The following MAGI3 variants were observed in gnomAD, a reference collection of about 807,000 sequenced individuals.
MAGI3 encodes membrane-associated guanylate kinase, WW and PDZ domain-containing protein 3.
A neutral mutation model predicts 121.8 loss-of-function variants in MAGI3; 43 were observed. The ratio of observed to expected loss-of-function variants is 0.35; its 90% confidence interval spans 0.28 to 0.46. The LOEUF (loss-of-function observed/expected upper bound fraction) is 0.46, where lower values mean the gene tolerates loss of function less well. Ranked by LOEUF, MAGI3 falls within the 20% of genes least tolerant of loss-of-function variation. The probability of loss-of-function intolerance (pLI) is 1.00; values close to 1 mark genes in which losing one functional copy is unlikely to be tolerated. For missense variants in MAGI3, 1,547 were observed against 1,797.3 expected, an observed-to-expected ratio of 0.86 and a Z score of 2.52; for synonymous variants, 553 against 639.3, an observed-to-expected ratio of 0.86 and a Z score of 2.04.
At chr1:113,402,491 C>A (rs976736122) in intron 1 of MAGI3, among the ~76,000 whole-genome samples, 16 of 152,180 alleles carry the variant, frequency 1.1e-4, no homozygotes, top group African/African-American at 3.9e-4. Context: ...ATCGGAGATT[C>A]TTCACAATGC....
chr1:113,510,988 T>C (rs943671760), intron 1 of MAGI3, among the ~76,000 whole-genome samples: 1 of 152,214 alleles, frequency 6.6e-6, no homozygotes, highest in Non-Finnish European at 1.5e-5. Context: ...GTTGAAGTCT[T>C]TCTCACTAGA....
At chr1:113,646,676 T>C in intron 12 of MAGI3, 34 bp downstream of exon 12, 1 of 1,492,550 alleles carries the variant, frequency 6.7e-7, no homozygotes, top group Non-Finnish European at 9.0e-7. Flanking sequence ...GGAGAGCATA[T>C]AACAAGATAA....
chr1:113,506,047 G>A (rs1657311581), intron 1 of MAGI3, among the ~76,000 whole-genome samples: 1 of 152,132 alleles, frequency 6.6e-6, no homozygotes, highest in Non-Finnish European at 1.5e-5. Context: ...GTAGAAAATT[G>A]ATTATAGGGT....
At chr1:113,617,974 G>A (rs868122688) in intron 7 of MAGI3, among the ~76,000 whole-genome samples, 5 of 152,130 alleles carry the variant, frequency 3.3e-5, no homozygotes, top group Non-Finnish European at 5.9e-5. Context: ...AAGTAACTAC[G>A]TCTGTTGTGG....
At chr1:113,510,070 T>TA (rs1657539450) in intron 1 of MAGI3, among the ~76,000 whole-genome samples, 1 of 152,220 alleles carries the variant, frequency 6.6e-6, no homozygotes, top group Non-Finnish European at 1.5e-5. Flanking sequence ...CGTGACACCA[T>TA]AAAAATAATT....
At chr1:113,524,554 G>A (rs900177000) in intron 1 of MAGI3, among the ~76,000 whole-genome samples, 3 of 151,838 alleles carry the variant, frequency 2.0e-5, no homozygotes, top group Non-Finnish European at 2.9e-5. Context: ...ACTAGATTTC[G>A]GACTTGCATG....
At chr1:113,670,615 G>T (rs1486689822) in intron 16 of MAGI3, among the ~76,000 whole-genome samples, 1 of 152,118 alleles carries the variant, frequency 6.6e-6, no homozygotes, top group African/African-American at 2.4e-5. Context: ...GCAACCCCAA[G>T]TGAGAGATAT....
chr1:113,667,234 G>A (rs1647227869), intron 16 of MAGI3, among the ~76,000 whole-genome samples: 1 of 152,206 alleles, frequency 6.6e-6, no homozygotes, highest in African/African-American at 2.4e-5. Context: ...GTCCTAGATG[G>A]CATCTTCTTC....
chr1:113,397,923 G>C (rs1651201212), intron 1 of MAGI3, among the ~76,000 whole-genome samples: 1 of 152,152 alleles, frequency 6.6e-6, no homozygotes. Flanking sequence ...CTAGGAAAAA[G>C]GGAATTGAAA....
At chr1:113,620,230 A>G (rs540379085) in intron 8 of MAGI3, among the ~76,000 whole-genome samples, 41 of 152,332 alleles carry the variant, frequency 2.7e-4, no homozygotes, top group African/African-American at 9.6e-4. Context: ...ATATTAATAA[A>G]TACTAAATAT....
chr1:113,611,474 T>A (rs574532529), intron 6 of MAGI3, among the ~76,000 whole-genome samples: 2 of 152,124 alleles, frequency 1.3e-5, no homozygotes, highest in Non-Finnish European at 2.9e-5. Context: ...TTTGCCTCTT[T>A]CCTCCCTTCC....
At position 113,659,126 on chromosome 1, in the gene MAGI3, C is replaced by T. The variant is rs1406073927; in HGVS notation, c.2676C>T (p.Asp892=). Residue 892 remains aspartate (D), a synonymous_variant, in exon 16 of 21, where the codon GAC becomes GAT. Coordinates refer to ENST00000307546, the MANE Select transcript of MAGI3 (RefSeq NM_001142782.2). ...IGRVIEGSPA[D]RCGKLKVGDH... The stretch of plus-strand genomic sequence containing the variant: ...GAGTCATAGAAGGAAGTCCGGCTGA[C>T]CGCTGTGGAAAACTGAAAGTTGGAG... 1.9e-6 allele frequency: 3 copies of T among 1,613,732 alleles called. No homozygotes were observed. Among genetic ancestry groups the T allele is most frequent in the African/African-American group, 1.3e-5 (1 of 74,900 alleles).
In MAGI3 at chr1:113,594,537, C is replaced by T. The variant is rs774402867; in HGVS notation, c.995C>T (p.Ala332Val). ...CCTCGTCTTTGTAAGAAAGCCAAAGCCCCTGAAGACTGTGAAGATGGAGGT... is the reference window on the plus strand; with the variant it reads ...CCTCGTCTTTGTAAGAAAGCCAAAGTCCCTGAAGACTGTGAAGATGGAGGT... ...LDPRLCKKAK[A>V]PEDCEDGELP... Residue 332 changes from alanine (A) to valine (V), a missense_variant, in exon 6 of 21, where the codon GCC (alanine) becomes GTC (valine). Transcript: ENST00000307546. The T allele has an allele frequency of 1.9e-6, 3 of 1,612,960 alleles. No individual in the cohort carries two copies. Among genetic ancestry groups the T allele is most frequent in the Non-Finnish European group, 2.5e-6 (3 of 1,179,394 alleles).
intron 1 of MAGI3, among the ~76,000 whole-genome samples, chr1:113,445,142 TG>T (rs1194024277): frequency 6.6e-6 from 1 of 152,092 alleles, no homozygotes; most frequent in African/African-American, 2.4e-5. Flanking sequence ...TAAACATTGT[TG>T]GAGTCCCAGA....
chr1:113,408,103 T>G (rs938778047), intron 1 of MAGI3, among the ~76,000 whole-genome samples: 6 of 152,136 alleles, frequency 3.9e-5, no homozygotes, highest in South Asian at 2.1e-4. Context: ...CTAAGCCCCA[T>G]GCAAGGCCCA....
intron 1 of MAGI3, among the ~76,000 whole-genome samples, chr1:113,482,485 C>T (rs531889331): frequency 1.3e-5 from 2 of 151,976 alleles, no homozygotes; most frequent in South Asian, 2.1e-4. Flanking sequence ...TACAGGTATG[C>T]ATCACCACAC....
At chr1:113,488,077 A>G (rs1326287670) in intron 1 of MAGI3, among the ~76,000 whole-genome samples, 2 of 152,066 alleles carry the variant, frequency 1.3e-5, no homozygotes, top group Non-Finnish European at 2.9e-5. Context: ...AATATTTTAC[A>G]TGATTTTTTT....
At chr1:113,636,154 T>A (rs1217291193) in intron 9 of MAGI3, among the ~76,000 whole-genome samples, 1 of 152,124 alleles carries the variant, frequency 6.6e-6, no homozygotes, top group African/African-American at 2.4e-5. Flanking sequence ...GTCGATCAAT[T>A]TTGTTGATCC....
rs534978983 is a variant in MAGI3 at position 113,391,453 on chromosome 1, A to C, written c.316+104A>C. ...TCCCCACCGCGTATTGTCCCGGGTA[A>C]TCTTAGACCTCTAGGGTGTGCCAGA... On this transcript the variant is annotated intron_variant, in intron 1 of 20. Coordinates refer to ENST00000307546, the MANE Select transcript of MAGI3 (RefSeq NM_001142782.2). The surrounding 1 kb of genome is among the most constrained non-coding windows in gnomAD (Gnocchi z 4.4). The C allele has an allele frequency of 6.8e-5, 87 of 1,284,410 alleles. 2 individuals carry two copies. The East Asian group carries it at 1.3e-3, about 20-fold the overall frequency. 79.6% of individuals were successfully genotyped at this position (1,284,410 alleles called of 1,614,324 possible). A position where few individuals can be genotyped will look rare whatever the true frequency, so the allele number is the denominator to read the frequency against.
Sources: allele counts gnomAD v4.1 joint callset (sites outside exome capture counted in the v4.1 genomes callset), GRCh38; gene constraint gnomAD v4.1.1; non-coding constraint Gnocchi (gnomAD v3.1); transcripts MANE v1.5; gene names NCBI Gene and HGNC (gene_info 2026-07-23, HGNC 2026-07-21).